The following CAMK4 variants were observed in gnomAD, a reference collection of about 807,000 sequenced individuals.
The protein encoded by CAMK4 is calcium/calmodulin dependent protein kinase IV, also known as calcium/calmodulin-dependent protein kinase type IV.
In CAMK4, 22 loss-of-function variants were observed where a neutral mutation model predicts 44.9. That is an observed-to-expected ratio of 0.49 (90% CI 0.35 to 0.70). The LOEUF (loss-of-function observed/expected upper bound fraction) is 0.70, where lower values mean the gene tolerates loss of function less well. Among genes scored for constraint, CAMK4 ranks in the 30% least tolerant of loss-of-function variants. The pLI, the probability that CAMK4 is intolerant of heterozygous loss-of-function variation, is 0.01. For missense variants in CAMK4, 498 were observed against 586.8 expected, an observed-to-expected ratio of 0.85 and a Z score of 1.56; for synonymous variants, 218 against 215.4, an observed-to-expected ratio of 1.01 and a Z score of -0.11.
chr5:111,361,885 TA>T (rs1221199945), intron 2 of CAMK4, among the ~76,000 whole-genome samples: 1 of 152,042 alleles, frequency 6.6e-6, no homozygotes, highest in African/African-American at 2.4e-5. Flanking sequence ...AGAATAACAA[TA>T]AAAATAAAAT....
At chr5:111,288,590 C>G (rs191824862) in intron 1 of CAMK4, among the ~76,000 whole-genome samples, 3 of 152,276 alleles carry the variant, frequency 2.0e-5, no homozygotes, top group Admixed American at 2.0e-4. Context: ...CCTATTCAGA[C>G]ATTTGCCTAT....
At chr5:111,418,427 T>A (rs1313916113) in intron 5 of CAMK4, among the ~76,000 whole-genome samples, 1 of 143,032 alleles carries the variant, frequency 7.0e-6, no homozygotes, top group Non-Finnish European at 1.5e-5. Context: ...ATTGATAACT[T>A]CTTATCAGGA....
chr5:111,395,942 G>T (rs999943518), intron 5 of CAMK4, among the ~76,000 whole-genome samples: 1 of 152,112 alleles, frequency 6.6e-6, no homozygotes, highest in East Asian at 1.9e-4. Context: ...CTATTATTCG[G>T]AGTTAGTTAT....
intron 1 of CAMK4, among the ~76,000 whole-genome samples, chr5:111,259,648 A>T (rs983464789): frequency 1.3e-5 from 2 of 152,188 alleles, no homozygotes; most frequent in Non-Finnish European, 2.9e-5. Flanking sequence ...CTTTGAAAAA[A>T]TGCCAAACTT....
At chr5:111,375,196 C>G (rs1038538295) in intron 3 of CAMK4, among the ~76,000 whole-genome samples, 11 of 152,266 alleles carry the variant, frequency 7.2e-5, no homozygotes, top group Admixed American at 7.2e-4. Context: ...TTTTCTCCAA[C>G]AAAACACTGG....
chr5:111,315,654 G>A (rs1236346845), intron 1 of CAMK4, among the ~76,000 whole-genome samples: 1 of 151,920 alleles, frequency 6.6e-6, no homozygotes, highest in African/African-American at 2.4e-5. Context: ...TTCCTCTTAA[G>A]ACTTAAACTT....
intron 2 of CAMK4, among the ~76,000 whole-genome samples, chr5:111,351,597 A>T (rs1450517969): frequency 6.6e-6 from 1 of 150,826 alleles, no homozygotes; most frequent in Admixed American, 6.6e-5. Context: ...TTTTTAGTAG[A>T]GATGGGGTTT....
chr5:111,270,531 C>T (rs1183753573), intron 1 of CAMK4, among the ~76,000 whole-genome samples: 1 of 152,230 alleles, frequency 6.6e-6, no homozygotes, highest in Admixed American at 6.5e-5. Flanking sequence ...CCTCTCCTTT[C>T]AGCTTTCTGA....
intron 1 of CAMK4, among the ~76,000 whole-genome samples, chr5:111,235,621 C>T (rs1474731955): frequency 1.3e-5 from 2 of 152,176 alleles, no homozygotes; most frequent in African/African-American, 4.8e-5. Context: ...ATGTGTGACA[C>T]ACCAATGAAG....
chr5:111,391,484 T>A (rs973656924), intron 4 of CAMK4, among the ~76,000 whole-genome samples: 14 of 151,848 alleles, frequency 9.2e-5, no homozygotes, highest in Non-Finnish European at 1.5e-4. Flanking sequence ...CAGAATAAAG[T>A]TCCTTTAGGC....
At chr5:111,325,360 A>G (rs1369241039) in intron 1 of CAMK4, among the ~76,000 whole-genome samples, 1 of 152,052 alleles carries the variant, frequency 6.6e-6, no homozygotes, top group East Asian at 1.9e-4. Flanking sequence ...GATTTATAAT[A>G]CTTTAGATAT....
intron 1 of CAMK4, among the ~76,000 whole-genome samples, chr5:111,246,232 A>C (rs955569186): frequency 1.4e-4 from 22 of 152,130 alleles, no homozygotes; most frequent in Non-Finnish European, 8.8e-5. Context: ...GCTTGTGCTC[A>C]CCTATTCATT....
At chr5:111,470,695 A>C (rs1755033952) in intron 7 of CAMK4, among the ~76,000 whole-genome samples, 1 of 152,210 alleles carries the variant, frequency 6.6e-6, no homozygotes, top group Non-Finnish European at 1.5e-5. Flanking sequence ...AAAGAAACAA[A>C]AAGAAGTCAG....
At chr5:111,286,400 G>A (rs1454445666) in intron 1 of CAMK4, among the ~76,000 whole-genome samples, 1 of 152,106 alleles carries the variant, frequency 6.6e-6, no homozygotes, top group Non-Finnish European at 1.5e-5. Flanking sequence ...CATATAATTA[G>A]AACACTAAAT....
chr5:111,364,011 A>C (rs55804641), intron 2 of CAMK4, among the ~76,000 whole-genome samples: 1,940 of 152,254 alleles, frequency 0.013, 33 homozygotes, highest in South Asian at 0.026. Flanking sequence ...TGTTGCCTTT[A>C]AAGTAGGAGA....
chr5:111,341,418 A>G (rs774929178), intron 1 of CAMK4, among the ~76,000 whole-genome samples: 7 of 151,162 alleles, frequency 4.6e-5, no homozygotes, highest in Non-Finnish European at 1.0e-4. Context: ...ATCTTTTTAC[A>G]TATGGATATC....
chr5:111,354,645 G>T (rs1277810434), intron 2 of CAMK4, among the ~76,000 whole-genome samples: 1 of 151,940 alleles, frequency 6.6e-6, no homozygotes, highest in Non-Finnish European at 1.5e-5. Context: ...GGAGATGGAG[G>T]TTGCAGTGAG....
chr5:111,229,425 C>T (rs948346375), intron 1 of CAMK4, among the ~76,000 whole-genome samples: 1 of 152,210 alleles, frequency 6.6e-6, no homozygotes, highest in African/African-American at 2.4e-5. Flanking sequence ...TCATACTAAA[C>T]ATAATTACCT....
At chr5:111,334,713 G>C (rs1749324584) in intron 1 of CAMK4, among the ~76,000 whole-genome samples, 1 of 151,386 alleles carries the variant, frequency 6.6e-6, no homozygotes, top group African/African-American at 2.4e-5. Flanking sequence ...TTAAATCACA[G>C]CTTTGCTTTT....
Sources: allele counts gnomAD v4.1 joint callset (sites outside exome capture counted in the v4.1 genomes callset), GRCh38; gene constraint gnomAD v4.1.1; transcripts MANE v1.5; gene names NCBI Gene and HGNC (gene_info 2026-07-23, HGNC 2026-07-21).